The following PTPRE variants were observed in gnomAD, a reference collection of about 807,000 sequenced individuals.
PTPRE encodes protein tyrosine phosphatase receptor type E.
PTPRE carries 51 observed loss-of-function variants against 102.0 expected under a neutral mutation model. That is an observed-to-expected ratio of 0.50 (90% CI 0.40 to 0.63). The LOEUF is 0.63. Among genes scored for constraint, PTPRE ranks in the 30% least tolerant of loss-of-function variants. PTPRE has a pLI of 0.00. For missense variants in PTPRE, 752 were observed against 915.1 expected, an observed-to-expected ratio of 0.82 and a Z score of 2.30; for synonymous variants, 345 against 348.2, an observed-to-expected ratio of 0.99 and a Z score of 0.10.
chr10:127,912,158 T>G (rs1462347679), intron 1 of PTPRE, among the ~76,000 whole-genome samples: 1 of 152,186 alleles, frequency 6.6e-6, no homozygotes, highest in Non-Finnish European at 1.5e-5. Context: ...ATGTGGGGAG[T>G]ATTGATGTGG....
At chr10:128,079,820 A>G in intron 20 of PTPRE, 125 bp downstream of exon 20, 1 of 1,264,030 alleles carries the variant, frequency 7.9e-7, no homozygotes, top group Admixed American at 2.3e-5. Flanking sequence ...CCCAAGGAAA[A>G]GAGCCAGCTG....
chr10:127,958,889 G>A (rs915804938), intron 1 of PTPRE, among the ~76,000 whole-genome samples: 7 of 139,736 alleles, frequency 5.0e-5, no homozygotes, highest in Non-Finnish European at 9.3e-5. Flanking sequence ...TATTCAACTT[G>A]CCTTTTTTTT....
chr10:127,962,307 G>A (rs571723285), intron 1 of PTPRE, among the ~76,000 whole-genome samples: 3 of 152,162 alleles, frequency 2.0e-5, no homozygotes, highest in African/African-American at 7.2e-5. Flanking sequence ...ATGTGAGTGC[G>A]GCACATGCCA....
At chr10:128,037,996 A>G (rs1030656270) in intron 2 of PTPRE, among the ~76,000 whole-genome samples, 1 of 141,652 alleles carries the variant, frequency 7.1e-6, no homozygotes, top group Non-Finnish European at 1.5e-5. Context: ...TTTAGTAGAG[A>G]CAGGGTTTCC....
Position 127,907,865 on chromosome 10 carries a change from C to T in PTPRE, c.-31+556C>T, listed in dbSNP as rs1157369035. Among the ~76,000 whole-genome samples the T allele has an allele frequency of 6.6e-6, 1 of 152,206 alleles. No homozygotes were observed. Among genetic ancestry groups the T allele is most frequent in the Non-Finnish European group, 1.5e-5 (1 of 68,034 alleles). On this transcript the variant is annotated intron_variant, in intron 1 of 20. Transcript: ENST00000254667. The surrounding 1 kb of genome is among the most constrained non-coding windows in gnomAD (Gnocchi z 4.8). ...AGGTGGAGCGGGATGCAGCAGCCGC[C>T]GGGGGTCGGAGATGCGGCAGGGAGA...
At chr10:128,016,572 G>A (rs1024940710) in intron 2 of PTPRE, among the ~76,000 whole-genome samples, 2 of 151,812 alleles carry the variant, frequency 1.3e-5, no homozygotes, top group African/African-American at 4.8e-5. Context: ...GGAACAGCGT[G>A]GGCCAGGCTG....
Position 128,047,792 on chromosome 10 carries a change from A to G in PTPRE, c.238A>G (p.Ser80Gly), listed in dbSNP as rs777012312. The change falls in exon 5 of 21, where the codon AGC becomes GGC. Residue 80 changes from serine (S) to glycine (G), a missense_variant. By Grantham distance (56) the Ser-to-Gly change is moderately conservative. Transcript: ENST00000254667. ...RFRKQRKAVV[S>G]TSDKKMPNGI... Reference sequence around the variant, plus strand: ...CAGGAAGCAGAGGAAAGCTGTGGTCAGCACCAGCGACAAGAAGATGCCCAA... The same window carrying G: ...CAGGAAGCAGAGGAAAGCTGTGGTCGGCACCAGCGACAAGAAGATGCCCAA... 1.2e-5 allele frequency: 19 copies of G among 1,606,538 alleles called. No individual in the cohort carries two copies. Among genetic ancestry groups the G allele is most frequent in the Non-Finnish European group, 1.6e-5 (19 of 1,173,838 alleles).
intron 3 of PTPRE, 24 bp downstream of exon 3, chr10:128,041,014 C>T (rs1847645677): frequency 6.3e-7 from 1 of 1,597,226 alleles, no homozygotes; most frequent in African/African-American, 1.3e-5. Flanking sequence ...TCCCTGGCTG[C>T]CTCCCCTACT....
intron 11 of PTPRE, among the ~76,000 whole-genome samples, chr10:128,066,967 C>G (rs1462444613): frequency 7.5e-6 from 1 of 133,658 alleles, no homozygotes. Flanking sequence ...CACAGGCATA[C>G]ACATGCACAC....
intron 1 of PTPRE, among the ~76,000 whole-genome samples, chr10:127,962,165 G>T (rs1379095010): frequency 1.3e-5 from 2 of 152,212 alleles, no homozygotes; most frequent in African/African-American, 4.8e-5. Flanking sequence ...AGCCCATGGT[G>T]CTGGGTGCCA....
At chr10:127,974,396 C>G (rs1850987634) in intron 1 of PTPRE, among the ~76,000 whole-genome samples, 1 of 152,348 alleles carries the variant, frequency 6.6e-6, no homozygotes, top group East Asian at 1.9e-4. Context: ...CACTCTCTGG[C>G]TTCCCGGTTT....
intron 1 of PTPRE, among the ~76,000 whole-genome samples, chr10:127,967,564 CTG>C (rs1280419006): frequency 6.6e-6 from 1 of 152,238 alleles, no homozygotes; most frequent in East Asian, 1.9e-4. Flanking sequence ...CCATGTGGAA[CTG>C]TGAGTCCATT....
intron 1 of PTPRE, among the ~76,000 whole-genome samples, chr10:127,935,170 C>T (rs538050768): frequency 2.4e-4 from 36 of 152,284 alleles, no homozygotes; most frequent in Admixed American, 1.1e-3. Context: ...GTGTGGGCTC[C>T]GGGCTCCACC....
Position 127,939,977 on chromosome 10 carries a change from C to CA in PTPRE, c.-31+32668_-31+32669insA, listed in dbSNP as rs1372024808. ...GAGGGCAGGCGCAGGCAGATGTGGG[C>CA]GGGTGGAGGCAGGAATAGACAGGAA... On this transcript the variant is annotated intron_variant, in intron 1 of 20. Coordinates refer to ENST00000254667, the MANE Select transcript of PTPRE (RefSeq NM_006504.6). Among the ~76,000 whole-genome samples the CA allele has an allele frequency of 7.3e-4, 109 of 149,442 alleles. 2 individuals carry two copies. In the Middle Eastern group the frequency reaches 0.022, roughly 30 times the overall value.
At chr10:128,000,758 G>A (rs1853795183) in intron 2 of PTPRE, among the ~76,000 whole-genome samples, 1 of 152,228 alleles carries the variant, frequency 6.6e-6, no homozygotes, top group Non-Finnish European at 1.5e-5. Flanking sequence ...CCTACAAAGT[G>A]AAGGAGGCCC....
intron 1 of PTPRE, among the ~76,000 whole-genome samples, chr10:127,911,305 A>G (rs1845852438): frequency 6.6e-6 from 1 of 152,236 alleles, no homozygotes; most frequent in African/African-American, 2.4e-5. Context: ...GAAGGCATTC[A>G]TTCTTCAATA....
intron 3 of PTPRE, among the ~76,000 whole-genome samples, chr10:128,042,618 C>T (rs1847800060): frequency 6.6e-6 from 1 of 152,264 alleles, no homozygotes; most frequent in African/African-American, 2.4e-5. Context: ...TGGAGGGGAA[C>T]CTGACCCTGT....
chr10:127,931,832 G>T (rs1445829004), intron 1 of PTPRE, among the ~76,000 whole-genome samples: 2 of 152,066 alleles, frequency 1.3e-5, no homozygotes, highest in Non-Finnish European at 1.5e-5. Context: ...AACACCATGG[G>T]CTTGATATAT....
At chr10:127,917,804 TG>T (rs1846313238) in intron 1 of PTPRE, among the ~76,000 whole-genome samples, 1 of 151,934 alleles carries the variant, frequency 6.6e-6, no homozygotes, top group South Asian at 2.1e-4. Flanking sequence ...CCAAGGTAGG[TG>T]GATCACATGA....
Sources: gnomAD v4.1 joint callset for allele counts (sites outside exome capture counted in the v4.1 genomes callset) on GRCh38, gnomAD v4.1.1 for gene constraint, Gnocchi (gnomAD v3.1) non-coding constraint, MANE v1.5 for transcripts, NCBI Gene and HGNC (gene_info 2026-07-23, HGNC 2026-07-21) for gene names.